Variants in ZHX3 observed in about 807,000 individuals in gnomAD.
ZHX3 encodes zinc fingers and homeoboxes protein 3.
A neutral mutation model predicts 64.5 loss-of-function variants in ZHX3; 20 were observed. The observed-to-expected ratio is 0.31, with a 90% CI of 0.22 to 0.45. The LOEUF is 0.45. Among genes scored for constraint, ZHX3 ranks in the 20% least tolerant of loss-of-function variants. The pLI is 1.00. For synonymous variants in ZHX3, 423 were observed against 461.6 expected (o/e 0.92, Z 1.07); for missense variants, 1,041 against 1,195.8 (o/e 0.87, Z 1.91).
rs1600755311 is a variant in ZHX3, at chr20:41,202,785, A to G, written c.2132T>C (p.Met711Thr). The G allele has an allele frequency of 6.2e-7, 1 of 1,614,102 alleles. No homozygotes were observed. Among genetic ancestry groups the G allele is most frequent in the Non-Finnish European group, 8.5e-7 (1 of 1,180,024 alleles). ...RVSGENGSLE[M>T]PSSHILAERK... ...CTCTGCCAAGATATGGCTGCTGGGC[A>G]TTTCCAGAGAGCCATTTTCACCAGA... is the stretch of plus-strand genomic sequence containing the variant. The change falls in exon 3 of 4, where the codon ATG (methionine) becomes ACG (threonine). Residue 711 changes from methionine (M) to threonine (T), a missense_variant. Physicochemically the swap from Met to Thr is moderately conservative, Grantham distance 81. Coordinates refer to ENST00000683867, the MANE Select transcript of ZHX3 (RefSeq NM_001384317.1). This position sits in a 1 kb window ranked among gnomAD's most constrained non-coding sequence, Gnocchi z 7.0.
chr20:41,255,019 A>G (rs555637730), intron 2 of ZHX3, among the ~76,000 whole-genome samples: 1 of 152,246 alleles, frequency 6.6e-6, no homozygotes, highest in South Asian at 2.1e-4. Flanking sequence ...CTGGGACTTG[A>G]AGTCAGAAAA....
chr20:41,184,658 C>A lies in ZHX3; in HGVS notation c.*533G>T, dbSNP rs190711701. On this transcript the variant is annotated 3_prime_UTR_variant, in exon 4 of 4. Coordinates refer to ENST00000683867, the MANE Select transcript of ZHX3 (RefSeq NM_001384317.1). ...TTCCTTGAGGAACACAAAGGGGGCA[C>A]AAAGGGGTTCCAGACGTAGCTTTGT... The A allele has an allele frequency of 9.1e-4, 453 of 497,322 alleles. 1 individual carries two copies. Among genetic ancestry groups the A allele is most frequent in the African/African-American group, 7.7e-3 (398 of 51,660 alleles). The allele number at this position is 497,322 out of a possible 1,614,324, so 30.8% of individuals were successfully genotyped here. A position where few individuals can be genotyped will look rare whatever the true frequency, so the allele number is the denominator to read the frequency against.
chr20:41,181,689 CACTG>C lies in ZHX3; in HGVS notation c.*3498_*3501del, dbSNP rs1471060387. On this transcript the variant is annotated 3_prime_UTR_variant, in exon 4 of 4. Coordinates refer to ENST00000683867, the MANE Select transcript of ZHX3 (RefSeq NM_001384317.1). Reference sequence around the variant, plus strand: ...GAGAACACAGGACCTGCCCCTAGGCCACTGACTGAGCAGGATAAAACCCACAAGG... The same window carrying C: ...GAGAACACAGGACCTGCCCCTAGGCCACTGAGCAGGATAAAACCCACAAGG... 1 of 152,238 alleles carries C rather than the reference CACTG, an allele frequency of 6.6e-6. No homozygotes were observed. Among genetic ancestry groups the C allele is most frequent in the East Asian group, 1.9e-4 (1 of 5,202 alleles). 9.4% of individuals were successfully genotyped at this position (152,238 alleles called of 1,614,324 possible). A position where few individuals can be genotyped will look rare whatever the true frequency, so the allele number is the denominator to read the frequency against.
chr20:41,297,880 C>T (rs998480543), intron 1 of ZHX3, among the ~76,000 whole-genome samples: 10 of 152,178 alleles, frequency 6.6e-5, no homozygotes, highest in African/African-American at 2.4e-4. Flanking sequence ...ATGTGTCAGA[C>T]TTTTACTGGT....
At chr20:41,290,712 G>A (rs1376139400) in intron 1 of ZHX3, 1 of 152,210 alleles carries the variant, frequency 6.6e-6, no homozygotes, top group Non-Finnish European at 1.5e-5. Flanking sequence ...GCAGTAGGAA[G>A]GCAGGTATTT....
At chr20:41,277,052 T>C (rs376220013) in intron 1 of ZHX3, among the ~76,000 whole-genome samples, 3 of 152,278 alleles carry the variant, frequency 2.0e-5, no homozygotes, top group East Asian at 1.9e-4. Flanking sequence ...AAAATCACAA[T>C]AGAAATTACC....
intron 2 of ZHX3, among the ~76,000 whole-genome samples, chr20:41,242,799 T>G (rs570125217): frequency 6.6e-6 from 1 of 152,190 alleles, no homozygotes; most frequent in African/African-American, 2.4e-5. Flanking sequence ...AAATACTAGA[T>G]AGTACTTCCA....
chr20:41,276,110 C>T (rs2043364784), intron 1 of ZHX3, among the ~76,000 whole-genome samples: 1 of 152,036 alleles, frequency 6.6e-6, no homozygotes, highest in South Asian at 2.1e-4. Flanking sequence ...CATCCTGGGC[C>T]CCTCAAACCC....
rs945567396 is a variant in ZHX3, at chr20:41,195,298, T to G, written c.2860+6759A>C. Among the ~76,000 whole-genome samples the G allele has an allele frequency of 3.3e-5, 5 of 152,174 alleles. No homozygotes were observed. Among genetic ancestry groups the G allele is most frequent in the Admixed American group, 6.5e-5 (1 of 15,272 alleles). Reference sequence around the variant, plus strand: ...ACCTGGCTTATTTTTTACTTTTTTGTAGAGACAGGATCCCACTTTGTTACC... The same window carrying G: ...ACCTGGCTTATTTTTTACTTTTTTGGAGAGACAGGATCCCACTTTGTTACC... On this transcript the variant is annotated intron_variant, in intron 3 of 3. Transcript: ENST00000683867. The surrounding 1 kb of genome is among the most constrained non-coding windows in gnomAD (Gnocchi z 4.2).
At chr20:41,243,428 A>C (rs1431202421) in intron 2 of ZHX3, among the ~76,000 whole-genome samples, 1 of 152,240 alleles carries the variant, frequency 6.6e-6, no homozygotes, top group Non-Finnish European at 1.5e-5. Flanking sequence ...GATTCAATCC[A>C]TATTTGAATG....
chr20:41,267,204 A>T (rs1055393979), intron 2 of ZHX3, among the ~76,000 whole-genome samples: 13 of 152,044 alleles, frequency 8.6e-5, no homozygotes, highest in Non-Finnish European at 1.6e-4. Flanking sequence ...TTAATATTTT[A>T]TGTCTTTTTT....
intron 1 of ZHX3, among the ~76,000 whole-genome samples, chr20:41,270,273 AG>A (rs2043068919): frequency 2.0e-5 from 3 of 148,568 alleles, no homozygotes; most frequent in Non-Finnish European, 4.4e-5. Flanking sequence ...CCAGCTACTC[AG>A]GGGGCTGAGG....
At chr20:41,191,222 T>C (rs920998695) in intron 3 of ZHX3, among the ~76,000 whole-genome samples, 2 of 139,398 alleles carry the variant, frequency 1.4e-5, no homozygotes, top group African/African-American at 5.2e-5. Context: ...GCTTTGCTCA[T>C]TTTTTATTCT....
chr20:41,291,551 T>C (rs971173093), intron 1 of ZHX3, among the ~76,000 whole-genome samples: 4 of 151,218 alleles, frequency 2.6e-5, no homozygotes, highest in African/African-American at 9.8e-5. Flanking sequence ...AAAGCTGTGG[T>C]TACATAAATA....
chr20:41,209,829 G>C (rs2039019609), intron 2 of ZHX3, among the ~76,000 whole-genome samples: 1 of 152,142 alleles, frequency 6.6e-6, no homozygotes, highest in Non-Finnish European at 1.5e-5. Flanking sequence ...GGCAACAAAA[G>C]ACAAAATTGA....
intron 1 of ZHX3, among the ~76,000 whole-genome samples, chr20:41,305,068 A>G (rs1286498844): frequency 6.6e-6 from 1 of 152,256 alleles, no homozygotes; most frequent in African/African-American, 2.4e-5. Context: ...GAATGTCTCA[A>G]CAACCCTGTT....
intron 2 of ZHX3, among the ~76,000 whole-genome samples, chr20:41,218,087 G>A (rs1434879837): frequency 6.6e-6 from 1 of 152,158 alleles, no homozygotes; most frequent in African/African-American, 2.4e-5. Flanking sequence ...GCTGAAGTGA[G>A]AGCTATGGTT....
chr20:41,185,030 G>C lies in ZHX3; in HGVS notation c.*161C>G. 1 of 1,551,654 alleles carries C rather than the reference G, an allele frequency of 6.4e-7. No homozygotes were observed. The highest frequency in any genetic ancestry group is 8.7e-7 in the Non-Finnish European group (1 of 1,147,068). On this transcript the variant is annotated 3_prime_UTR_variant, in exon 4 of 4. Transcript: ENST00000683867. The surrounding 1 kb of genome is among the most constrained non-coding windows in gnomAD (Gnocchi z 5.0). Reference sequence around the variant, plus strand: ...CTTGGTGGTGGGCAGGCCGAGGGTAGCGGCAGGCTCTGGGCTGTCTGCGAG... The same window carrying C: ...CTTGGTGGTGGGCAGGCCGAGGGTACCGGCAGGCTCTGGGCTGTCTGCGAG...
intron 2 of ZHX3, among the ~76,000 whole-genome samples, chr20:41,218,695 G>T (rs77741323): frequency 6.6e-6 from 1 of 152,174 alleles, no homozygotes; most frequent in Non-Finnish European, 1.5e-5. Flanking sequence ...TGGCAGTCCA[G>T]TAAGTGGATG....
Sources: allele counts gnomAD v4.1 joint callset (sites outside exome capture counted in the v4.1 genomes callset), GRCh38; gene constraint gnomAD v4.1.1; non-coding constraint Gnocchi (gnomAD v3.1); transcripts MANE v1.5; gene names NCBI Gene and HGNC (gene_info 2026-07-23, HGNC 2026-07-21).